The following ZNF433 variants were observed in gnomAD, a reference collection of about 807,000 sequenced individuals.
ZNF433 encodes zinc finger protein 433.
ZNF433 carries 12 observed loss-of-function variants against 10.6 expected under a neutral mutation model. That is an observed-to-expected ratio of 1.13 (90% CI 0.72 to 1.83). The LOEUF is 1.83. Among genes scored for constraint, ZNF433 ranks in the 40% most tolerant of loss-of-function variants. ZNF433 has a pLI of 0.00. For missense variants in ZNF433, 737 were observed against 798.0 expected (o/e 0.92, Z 0.92); for synonymous variants, 272 against 271.3 (o/e 1.00, Z -0.02).
chr19:12,031,702 C>A (rs1233904282), intron 1 of ZNF433, among the ~76,000 whole-genome samples: 4 of 151,952 alleles, frequency 2.6e-5, no homozygotes, highest in African/African-American at 9.7e-5. Context: ...GACACGAAAT[C>A]TTGGCAATAC....
intron 1 of ZNF433, among the ~76,000 whole-genome samples, chr19:12,018,960 G>C (rs549361999): frequency 1.2e-4 from 17 of 147,672 alleles, no homozygotes; most frequent in African/African-American, 4.3e-4. Context: ...TGAGGCAGGA[G>C]AATCGCGGGA....
At chr19:12,022,557 G>A (rs181969756) in intron 1 of ZNF433, among the ~76,000 whole-genome samples, 77 of 152,242 alleles carry the variant, frequency 5.1e-4, no homozygotes, top group African/African-American at 1.8e-3. Context: ...AAGTGTCACC[G>A]GAGTAACAGT....
In ZNF433 at chr19:12,035,639, G is replaced by A; in HGVS notation, c.-100C>T. The stretch of plus-strand genomic sequence containing the variant: ...TGAACCCTCTCGGAGGGGAAAGCCA[G>A]GCTCCCAACCTCAGCTCGCCGCCTG... On this transcript the variant is annotated 5_prime_UTR_variant, in exon 1 of 4. Coordinates refer to ENST00000550507, the MANE Select transcript of ZNF433 (RefSeq NM_001308348.2). The A allele has an allele frequency of 6.7e-7, 1 of 1,496,842 alleles. No individual in the cohort carries two copies. The highest frequency in any genetic ancestry group is 2.6e-5 in the East Asian group (1 of 39,038). 92.7% of individuals were successfully genotyped at this position (1,496,842 alleles called of 1,614,324 possible).
At chr19:12,031,500 A>C (rs1975027613) in intron 1 of ZNF433, among the ~76,000 whole-genome samples, 1 of 151,612 alleles carries the variant, frequency 6.6e-6, no homozygotes, top group African/African-American at 2.4e-5. Context: ...AAAAAATACA[A>C]AAATTAGCTG....
chr19:12,035,027 T>C (rs1294014553), intron 1 of ZNF433, among the ~76,000 whole-genome samples: 1 of 152,204 alleles, frequency 6.6e-6, no homozygotes, highest in African/African-American at 2.4e-5. Flanking sequence ...CGTTAACAAA[T>C]TACAAGCCAG....
chr19:12,031,294 C>CAAAA (rs536658747), intron 1 of ZNF433, among the ~76,000 whole-genome samples: 8 of 36,502 alleles, frequency 2.2e-4, no homozygotes, highest in South Asian at 8.4e-4. Flanking sequence ...GACTCCATCT[C>CAAAA]AAAAAAAAAA....
intron 1 of ZNF433, chr19:12,034,622 T>C (rs1000754956): frequency 1.6e-5 from 5 of 310,382 alleles, no homozygotes; most frequent in African/African-American, 8.7e-5. Context: ...TCACAAAATC[T>C]AAAGAAACAG....
chr19:12,021,578 G>C (rs1974496573), intron 1 of ZNF433, among the ~76,000 whole-genome samples: 1 of 152,152 alleles, frequency 6.6e-6, no homozygotes, highest in African/African-American at 2.4e-5. Flanking sequence ...CGTGAGAACT[G>C]TAATATAATA....
In ZNF433 at chr19:12,015,301, T is replaced by C. The variant is rs371226977; in HGVS notation, c.1557A>G (p.Arg519=). 4.8e-5 allele frequency: 78 copies of C among 1,613,796 alleles called. No homozygotes were observed. The highest frequency in any genetic ancestry group is 6.1e-5 in the Non-Finnish European group (72 of 1,179,976). ...GRSFNCSSSF[R]YHGRTHTGEK... is the part of the protein sequence containing the mutation. ...CTCCAGTGTGAGTCCTTCCATGATA[T>C]CGAAAGGAGCTCGAACAGTTGAAGG... Residue 519 remains arginine (R), a synonymous_variant, in exon 4 of 4, where the codon CGA becomes CGG. Transcript: ENST00000550507.
chr19:12,027,433 T>C (rs1974794446), intron 1 of ZNF433, among the ~76,000 whole-genome samples: 1 of 152,222 alleles, frequency 6.6e-6, no homozygotes. Flanking sequence ...ATGCCCACAC[T>C]GAAGGTTGTT....
intron 1 of ZNF433, among the ~76,000 whole-genome samples, chr19:12,034,264 T>G (rs1190730998): frequency 6.6e-6 from 1 of 152,180 alleles, no homozygotes; most frequent in African/African-American, 2.4e-5. Context: ...TTTTCCACTG[T>G]ATGGTCTGTG....
At position 12,014,782 on chromosome 19, in the gene ZNF433, C is replaced by A; in HGVS notation, c.*63G>T. 8.0e-7 allele frequency: 1 copy of A among 1,249,770 alleles called. No homozygotes were observed. Among genetic ancestry groups the A allele is most frequent in the South Asian group, 1.6e-5 (1 of 61,840 alleles). The allele number at this position is 1,249,770 out of a possible 1,614,324, so 77.4% of individuals were successfully genotyped here. A position where few individuals can be genotyped will look rare whatever the true frequency, so the allele number is the denominator to read the frequency against. ...TATAACAGAGTCTCACTATGTTGCC[C>A]AGGCTGGTCTTGAACTCCTGGGCTT... On this transcript the variant is annotated 3_prime_UTR_variant, in exon 4 of 4. Transcript: ENST00000550507.
intron 1 of ZNF433, chr19:12,018,756 A>G (rs1974340592): frequency 6.6e-6 from 1 of 152,534 alleles, no homozygotes; most frequent in South Asian, 2.1e-4. Context: ...AAACCAAAAA[A>G]CTGGATTTTA....
intron 1 of ZNF433, chr19:12,025,002 A>C (rs1974669251): frequency 6.6e-6 from 1 of 152,234 alleles, no homozygotes; most frequent in Non-Finnish European, 1.5e-5. Flanking sequence ...AAACTATTTC[A>C]ATTTTTGAAA....
In ZNF433 at chr19:12,016,133, T is replaced by C. The variant is rs755158865; in HGVS notation, c.725A>G (p.Glu242Gly). Residue 242 changes from glutamate (E) to glycine (G), a missense_variant, in exon 4 of 4, where the codon GAA becomes GGA. Glu to Gly is a moderately conservative substitution (Grantham distance 98). Coordinates refer to ENST00000550507, the MANE Select transcript of ZNF433 (RefSeq NM_001308348.2). The stretch of plus-strand genomic sequence containing the variant: ...AGGCTTCTCCCCAGTGTGAGTTCTT[T>C]CATGTATTCGAAGGCTACTAGAATG... ...FSHSSSLRIH[E>G]RTHTGEKPYK... is the part of the protein sequence containing the mutation. The C allele has an allele frequency of 1.2e-5, 19 of 1,614,076 alleles. No homozygotes were observed. The highest frequency in any genetic ancestry group is 1.4e-5 in the Non-Finnish European group (17 of 1,180,034).
Position 12,018,165 on chromosome 19 carries a change from C to A in ZNF433, c.130+1G>T, listed in dbSNP as rs562999303. On this transcript the variant is annotated splice_donor_variant, in intron 2 of 3. Coordinates refer to ENST00000550507, the MANE Select transcript of ZNF433 (RefSeq NM_001308348.2). LOFTEE classifies it high-confidence loss of function. ...GAAGGAAGTAATGTTGTCACCCTTACCTATAGAGGCCAGGTTCCTGAAGGT... is the reference window on the plus strand; with the variant it reads ...GAAGGAAGTAATGTTGTCACCCTTAACTATAGAGGCCAGGTTCCTGAAGGT... 8 of 1,582,950 alleles carry A rather than the reference C, an allele frequency of 5.1e-6. No individual in the cohort carries two copies. The highest frequency in any genetic ancestry group is 1.2e-5 in the South Asian group (1 of 85,646).
chr19:12,019,500 T>C (rs1224072716), intron 1 of ZNF433, among the ~76,000 whole-genome samples: 1 of 152,170 alleles, frequency 6.6e-6, no homozygotes, highest in Non-Finnish European at 1.5e-5. Context: ...GGATAATAAA[T>C]GGCTCAGCTT....
intron 1 of ZNF433, among the ~76,000 whole-genome samples, chr19:12,020,613 A>G (rs1338779783): frequency 6.6e-6 from 1 of 152,158 alleles, no homozygotes; most frequent in Middle Eastern, 3.4e-3. Context: ...TTAGGGATTT[A>G]TTGTCATTCC....
chr19:12,030,615 A>G (rs1974971091), intron 1 of ZNF433, among the ~76,000 whole-genome samples: 1 of 152,224 alleles, frequency 6.6e-6, no homozygotes, highest in South Asian at 2.1e-4. Context: ...AATACATCAC[A>G]GCTTTGAGAT....
Sources: gnomAD v4.1 joint callset for allele counts (sites outside exome capture counted in the v4.1 genomes callset) on GRCh38, gnomAD v4.1.1 for gene constraint, MANE v1.5 for transcripts, NCBI Gene and HGNC (gene_info 2026-07-23, HGNC 2026-07-21) for gene names.